Variants in PHC1 observed in about 807,000 individuals in gnomAD.
The protein encoded by PHC1 is polyhomeotic homolog 1, also known as polyhomeotic-like protein 1.
A neutral mutation model predicts 104.3 loss-of-function variants in PHC1; 12 were observed. The ratio of observed to expected loss-of-function variants is 0.12; its 90% CI spans 0.07 to 0.19. The LOEUF (loss-of-function observed/expected upper bound fraction) is 0.19, where lower values mean the gene tolerates loss of function less well. PHC1 is among the 10% of genes least tolerant of loss of function. The pLI, the probability that PHC1 is intolerant of heterozygous loss-of-function variation, is 1.00. For missense variants in PHC1, 671 were observed against 1,200.0 expected, an observed-to-expected ratio of 0.56 and a Z score of 6.51; for synonymous variants, 302 against 455.8, an observed-to-expected ratio of 0.66 and a Z score of 4.30.
chr12:8,937,863 C>A lies in PHC1; in HGVS notation c.2663C>A (p.Ser888Tyr), dbSNP rs1303166703. 2.5e-6 allele frequency: 4 copies of A among 1,613,008 alleles called. No individual in the cohort carries two copies. Among genetic ancestry groups the A allele is most frequent in the Non-Finnish European group, 3.4e-6 (4 of 1,179,078 alleles). The change falls in exon 14 of 15, where the codon TCC becomes TAC. Residue 888 changes from serine (S) to tyrosine (Y), a missense_variant. Ser to Tyr is a moderately radical substitution (Grantham distance 144). This residue lies in a region of PHC1 where 192 missense variants were observed against 280.5 expected (regional missense o/e 0.68). Coordinates refer to ENST00000544916, the MANE Select transcript of PHC1 (RefSeq NM_004426.3). ...GACTCTAGCCGGGGTTCAGATAATTCCAGTTATGATGAAGCACTCTCTCCA... is the reference window on the plus strand; with the variant it reads ...GACTCTAGCCGGGGTTCAGATAATTACAGTTATGATGAAGCACTCTCTCCA... Reference protein sequence around the residue: ...QEDSSRGSDNSSYDEALSPTS... With the variant: ...QEDSSRGSDNYSYDEALSPTS...
intron 7 of PHC1, 146 bp downstream of exon 7, chr12:8,931,073 C>T (rs1945670585): frequency 3.7e-6 from 3 of 810,580 alleles, no homozygotes; most frequent in Non-Finnish European, 5.7e-6. Context: ...GGAATAATAT[C>T]AGCCTTGAAC....
Position 8,922,783 on chromosome 12 carries a change from G to A in PHC1, c.607G>A (p.Asp203Asn). 1 of 1,612,828 alleles carries A rather than the reference G, an allele frequency of 6.2e-7. No individual in the cohort carries two copies. The highest frequency in any genetic ancestry group is 8.5e-7 in the Non-Finnish European group (1 of 1,179,550). The change falls in exon 6 of 15, where the codon GAT becomes AAT. Residue 203 changes from aspartate to asparagine, a missense_variant. By Grantham distance (23) the Asp-to-Asn change is conservative. This residue lies in a region of PHC1 where 237 missense variants were observed against 331.1 expected (regional missense o/e 0.72). Transcript: ENST00000544916. The part of the protein sequence containing the change: ...AQSPGVHADA[D>N]QVQNLAVRNQ... The stretch of plus-strand genomic sequence containing the variant: ...GTCTCCTGGAGTTCATGCAGATGCA[G>A]ATCAGGTTAGTGGCGATGACTTTAC...
At chr12:8,937,047 C>A in intron 12 of PHC1, 83 bp downstream of exon 12, 1 of 1,387,752 alleles carries the variant, frequency 7.2e-7, no homozygotes, top group Non-Finnish European at 1.0e-6. Flanking sequence ...CGTCTCATAG[C>A]TGATATTTTA....
chr12:8,938,280 T>C (rs1945899359), intron 14 of PHC1, among the ~76,000 whole-genome samples: 2 of 152,220 alleles, frequency 1.3e-5, no homozygotes, highest in African/African-American at 2.4e-5. Flanking sequence ...TCTCATCTTA[T>C]GATGTAGCTG....
intron 1 of PHC1, among the ~76,000 whole-genome samples, chr12:8,917,393 G>C (rs1945233220): frequency 6.6e-6 from 1 of 152,160 alleles, no homozygotes; most frequent in African/African-American, 2.4e-5. Context: ...AGCCATGAGG[G>C]AATACGTAAA....
rs1945975188 is a variant in PHC1 at position 8,940,368 on chromosome 12, TG to T, written c.*910del. Reference sequence around the variant, plus strand: ...CACAAATGACAAGGCCAATATGTTTTGTTTGTTTTTTAATCATTAAGAGTTT... The same window carrying T: ...CACAAATGACAAGGCCAATATGTTTTTTTGTTTTTTAATCATTAAGAGTTT... On this transcript the variant is annotated 3_prime_UTR_variant, in exon 15 of 15. Coordinates refer to ENST00000544916, the MANE Select transcript of PHC1 (RefSeq NM_004426.3). 1 of 182,228 alleles carries T rather than the reference TG, an allele frequency of 5.5e-6. No homozygotes were observed. Among genetic ancestry groups the T allele is most frequent in the Non-Finnish European group, 1.2e-5 (1 of 85,330 alleles). The allele number at this position is 182,228 out of a possible 1,614,324, so 11.3% of individuals were successfully genotyped here. A position where few individuals can be genotyped will look rare whatever the true frequency, so the allele number is the denominator to read the frequency against.
At chr12:8,914,291 A>G (rs1302631658), upstream of PHC1, among the ~76,000 whole-genome samples, 1 of 151,974 alleles carries the variant, frequency 6.6e-6, no homozygotes, top group Non-Finnish European at 1.5e-5. Flanking sequence ...TCGGAGAGAA[A>G]GAAGGGGGTA....
rs769075221 is a variant in PHC1 at position 8,922,492 on chromosome 12, C to T, written c.457-141C>T. 106 of 659,632 alleles carry T rather than the reference C, an allele frequency of 1.6e-4. 1 individual carries two copies. In the African/African-American group the frequency reaches 1.9e-3, roughly 12 times the overall value. 40.9% of individuals were successfully genotyped at this position (659,632 alleles called of 1,614,324 possible). A position where few individuals can be genotyped will look rare whatever the true frequency, so the allele number is the denominator to read the frequency against. On this transcript the variant is annotated intron_variant, in intron 5 of 14. Transcript: ENST00000544916. ...TTCATTACATGTGGAGAATATGAGG[C>T]TCCTGGGTTGGTGTGGAAGAGGCAG...
intron 6 of PHC1, among the ~76,000 whole-genome samples, chr12:8,925,138 ACTGTGTGACC>A (rs1375548888): frequency 6.6e-6 from 1 of 152,154 alleles, no homozygotes; most frequent in African/African-American, 2.4e-5. Flanking sequence ...TCCACTACTT[ACTGTGTGACC>A]CTGTGCAAAT....
intron 1 of PHC1, 172 bp downstream of exon 1, chr12:8,914,999 G>A (rs892869313): frequency 1.3e-5 from 2 of 153,236 alleles, no homozygotes; most frequent in Non-Finnish European, 2.9e-5. Context: ...GCCTGTCCGA[G>A]TCTTCTGGCT....
chr12:8,931,085 T>C (rs771933106), intron 7 of PHC1, among the ~76,000 whole-genome samples, 158 bp downstream of exon 7: 1 of 152,308 alleles, frequency 6.6e-6, no homozygotes, highest in East Asian at 1.9e-4. Flanking sequence ...GCCTTGAACA[T>C]ATTAGTTCAG....
At chr12:8,921,823 C>G in intron 5 of PHC1, 73 bp downstream of exon 5, 1 of 1,415,630 alleles carries the variant, frequency 7.1e-7, no homozygotes, top group African/African-American at 1.5e-5. Flanking sequence ...TGAGTGAAAG[C>G]TTTTTTTTGA....
intron 6 of PHC1, among the ~76,000 whole-genome samples, chr12:8,928,238 A>G (rs924022192): frequency 6.6e-6 from 1 of 152,040 alleles, no homozygotes; most frequent in Non-Finnish European, 1.5e-5. Flanking sequence ...GGTCTTCTTC[A>G]CTTCAGTCTT....
chr12:8,940,500 T>C lies in PHC1; in HGVS notation c.*1041T>C, dbSNP rs1171115606. On this transcript the variant is annotated 3_prime_UTR_variant, in exon 15 of 15. Transcript: ENST00000544916. The stretch of plus-strand genomic sequence containing the variant: ...GATGCTTTTGTAACATTATTTTCCC[T>C]GTTTAGAAAGAAAAAAATCACTCCA... The C allele has an allele frequency of 8.8e-6, 1 of 113,820 alleles. No individual in the cohort carries two copies. The highest frequency in any genetic ancestry group is 1.9e-5 in the Non-Finnish European group (1 of 51,290). 7.1% of individuals were successfully genotyped at this position (113,820 alleles called of 1,614,324 possible).
chr12:8,929,378 C>G (rs1252842646), intron 6 of PHC1, among the ~76,000 whole-genome samples: 1 of 152,118 alleles, frequency 6.6e-6, no homozygotes, highest in African/African-American at 2.4e-5. Context: ...GGCCCAGCAC[C>G]TTCCTACCTC....
At position 8,930,592 on chromosome 12, in the gene PHC1, C is replaced by T. The variant is rs747224123; in HGVS notation, c.770C>T (p.Ala257Val). 19 of 1,553,228 alleles carry T rather than the reference C, an allele frequency of 1.2e-5. No homozygotes were observed. Among genetic ancestry groups the T allele is most frequent in the Non-Finnish European group, 1.7e-6 (2 of 1,144,448 alleles). Reference protein sequence around the residue: ...ALAVAQASSGATNQSLNLSQA... With the variant: ...ALAVAQASSGVTNQSLNLSQA... ...GCGGTGGCACAGGCTTCCTCTGGGG[C>T]CACAAACCAGTCCCTCAACCTTAGT... Residue 257 changes from alanine to valine, a missense_variant, in exon 7 of 15, where the codon GCC becomes GTC. Coordinates refer to ENST00000544916, the MANE Select transcript of PHC1 (RefSeq NM_004426.3).
chr12:8,926,265 T>C (rs1478167316), intron 6 of PHC1, among the ~76,000 whole-genome samples: 1 of 145,216 alleles, frequency 6.9e-6, no homozygotes, highest in Non-Finnish European at 1.5e-5. Context: ...AGTAGGCATA[T>C]AGATGATAAT....
intron 2 of PHC1, among the ~76,000 whole-genome samples, chr12:8,918,580 A>G (rs913495364): frequency 1.3e-5 from 2 of 151,732 alleles, no homozygotes; most frequent in African/African-American, 2.4e-5. Flanking sequence ...CAGTTCTCCT[A>G]TCTTATCCTC....
intron 2 of PHC1, among the ~76,000 whole-genome samples, chr12:8,918,832 A>C (rs887872131): frequency 1.3e-5 from 2 of 152,204 alleles, no homozygotes; most frequent in African/African-American, 4.8e-5. Context: ...ACGCGTTTTG[A>C]GAAATGTATT....
Sources: gnomAD v4.1 joint callset for allele counts (sites outside exome capture counted in the v4.1 genomes callset) on GRCh38, gnomAD v4.1.1 for gene constraint, gnomAD v4.1.1 regional missense constraint, MANE v1.5 for transcripts, NCBI Gene and HGNC (gene_info 2026-07-23, HGNC 2026-07-21) for gene names.